The following WWP1 variants were observed in gnomAD, a reference collection of about 807,000 sequenced individuals.
WWP1 encodes the protein WW domain containing E3 ubiquitin protein ligase 1.
Under a neutral mutation model 130.6 loss-of-function variants are expected in WWP1, and 49 were observed. That is an observed-to-expected ratio of 0.38 (90% CI 0.30 to 0.48). WWP1 has a LOEUF of 0.48. Ranked by LOEUF, WWP1 falls within the 20% of genes least tolerant of loss-of-function variation. WWP1 has a pLI of 0.99. For synonymous variants in WWP1, 332 were observed against 367.8 expected, an observed-to-expected ratio of 0.90 and a Z score of 1.11; for missense variants, 809 against 1,100.6, an observed-to-expected ratio of 0.74 and a Z score of 3.75.
chr8:86,415,405 CTCT>C (rs1317298588), intron 9 of WWP1, among the ~76,000 whole-genome samples: 1 of 152,188 alleles, frequency 6.6e-6, no homozygotes, highest in Non-Finnish European at 1.5e-5. Flanking sequence ...CTTATCTCAT[CTCT>C]TCATCTCTTC....
At chr8:86,425,425 A>T in intron 10 of WWP1, 107 bp downstream of exon 10, 1 of 662,216 alleles carries the variant, frequency 1.5e-6, no homozygotes, top group Non-Finnish European at 2.4e-6. Flanking sequence ...CATATATTCA[A>T]TTTCTTTACA....
intron 3 of WWP1, among the ~76,000 whole-genome samples, chr8:86,377,349 C>T (rs769613177): frequency 7.9e-5 from 12 of 151,652 alleles, no homozygotes; most frequent in Non-Finnish European, 1.3e-4. Flanking sequence ...CCGCCTGCCT[C>T]GGCCTCCCAG....
Position 86,358,100 on chromosome 8 carries a change from G to A in WWP1, c.-114-10839G>A, listed in dbSNP as rs895261192. On this transcript the variant is annotated intron_variant, in intron 1 of 24. Coordinates refer to ENST00000517970, the MANE Select transcript of WWP1 (RefSeq NM_007013.4). ...GTCGGGGAGTATCCAAGTGTAATAA[G>A]CTTCTCTCTTATATTCTTTTGTTTC... Among the ~76,000 whole-genome samples the A allele has an allele frequency of 2.6e-5, 4 of 152,150 alleles. No homozygotes were observed. The South Asian group carries it at 8.3e-4, about 31-fold the overall frequency.
chr8:86,374,272 A>G, intron 3 of WWP1, 152 bp downstream of exon 3: 1 of 576,964 alleles, frequency 1.7e-6, no homozygotes, highest in African/African-American at 1.9e-5. Flanking sequence ...ATGCCCTCCA[A>G]AACTATATTA....
chr8:86,374,320 A>G (rs1824502151), intron 3 of WWP1, among the ~76,000 whole-genome samples, 200 bp downstream of exon 3: 2 of 152,240 alleles, frequency 1.3e-5, no homozygotes, highest in South Asian at 4.1e-4. Flanking sequence ...ATGCTGGATG[A>G]AGAGAAGATA....
intron 5 of WWP1, among the ~76,000 whole-genome samples, chr8:86,382,345 G>T (rs1220600932): frequency 1.3e-5 from 2 of 152,108 alleles, no homozygotes; most frequent in African/African-American, 2.4e-5. Flanking sequence ...GTGTAATTCT[G>T]GGGAGAGGGT....
intron 7 of WWP1, 81 bp from the exon 8 acceptor site, chr8:86,401,938 T>G: frequency 1.5e-6 from 2 of 1,294,686 alleles, no homozygotes; most frequent in Non-Finnish European, 2.0e-6. Flanking sequence ...CTTAAGAGAA[T>G]TTAGTAAATC....
chr8:86,413,629 C>T (rs1175493867), intron 9 of WWP1, among the ~76,000 whole-genome samples: 1 of 152,110 alleles, frequency 6.6e-6, no homozygotes, highest in Non-Finnish European at 1.5e-5. Flanking sequence ...TTCAGTAGAG[C>T]CGACTGCACA....
rs1231269429 is a variant in WWP1, at chr8:86,369,005, C to T, written c.-48C>T. Reference sequence around the variant, plus strand: ...TCGTGTCTTACTCATCTTTGTATCCCCAGTGTCTAGCAGTTCCTGATACAT... The same window carrying T: ...TCGTGTCTTACTCATCTTTGTATCCTCAGTGTCTAGCAGTTCCTGATACAT... On this transcript the variant is annotated 5_prime_UTR_variant, in exon 2 of 25. Coordinates refer to ENST00000517970, the MANE Select transcript of WWP1 (RefSeq NM_007013.4). 6.6e-6 allele frequency: 1 copy of T among 152,158 alleles called. No individual in the cohort carries two copies. Among genetic ancestry groups the T allele is most frequent in the Non-Finnish European group, 1.5e-5 (1 of 68,018 alleles). The allele number at this position is 152,158 out of a possible 1,614,324, so 9.4% of individuals were successfully genotyped here.
In WWP1 at chr8:86,457,883, A is replaced by C. The variant is rs200431225; in HGVS notation, c.2395-38A>C. ...AGTCATATAATTATTCTCTTCACTA[A>C]ATCTTTATTGTGGCCTGATTCTGTG... is the stretch of plus-strand genomic sequence containing the variant. On this transcript the variant is annotated intron_variant, in intron 21 of 24. Transcript: ENST00000517970. 26 of 1,584,362 alleles carry C rather than the reference A, an allele frequency of 1.6e-5. No homozygotes were observed. The African/African-American group carries it at 3.5e-4, about 21-fold the overall frequency.
chr8:86,404,680 AATAG>A (rs1808176413), intron 8 of WWP1, among the ~76,000 whole-genome samples: 1 of 152,222 alleles, frequency 6.6e-6, no homozygotes, highest in South Asian at 2.1e-4. Context: ...GCATGTTCTA[AATAG>A]TATATATCCA....
At chr8:86,379,831 G>A (rs1824880060) in intron 3 of WWP1, among the ~76,000 whole-genome samples, 1 of 152,090 alleles carries the variant, frequency 6.6e-6, no homozygotes, top group Non-Finnish European at 1.5e-5. Context: ...GATGTTAATG[G>A]GCATGTTGAA....
intron 18 of WWP1, among the ~76,000 whole-genome samples, chr8:86,444,571 T>A (rs1391806578): frequency 2.0e-5 from 3 of 151,956 alleles, no homozygotes; most frequent in Non-Finnish European, 4.4e-5. Flanking sequence ...ATAGGAGTGG[T>A]CCCCAGAGGA....
chr8:86,361,984 A>ATG (rs1823635329), intron 1 of WWP1, among the ~76,000 whole-genome samples: 1 of 134,600 alleles, frequency 7.4e-6, no homozygotes, highest in Non-Finnish European at 1.6e-5. Context: ...GTATATATAT[A>ATG]TATATATACA....
intron 1 of WWP1, among the ~76,000 whole-genome samples, chr8:86,346,859 T>A (rs1822614558): frequency 6.6e-6 from 1 of 152,198 alleles, no homozygotes; most frequent in African/African-American, 2.4e-5. Context: ...ATTTTATTGT[T>A]TTTGCTGGCA....
chr8:86,396,352 G>A (rs1807665679), intron 5 of WWP1, among the ~76,000 whole-genome samples: 1 of 152,156 alleles, frequency 6.6e-6, no homozygotes, highest in Non-Finnish European at 1.5e-5. Context: ...GCCCGCCTCG[G>A]CCTCCCAAAG....
intron 5 of WWP1, among the ~76,000 whole-genome samples, chr8:86,385,261 CTCCAGTGGAGGGATGT>C (rs992166655): frequency 6.6e-6 from 1 of 152,116 alleles, no homozygotes. Context: ...GTGTATAAGG[CTCCAGTGGAGGGATGT>C]TCTGCAGTGT....
chr8:86,435,493 G>A lies in WWP1; in HGVS notation c.1643G>A (p.Arg548Lys). 1 of 1,614,124 alleles carries A rather than the reference G, an allele frequency of 6.2e-7. No homozygotes were observed. The highest frequency in any genetic ancestry group is 1.1e-5 in the South Asian group (1 of 91,074). The change falls in exon 15 of 25, where the codon AGG becomes AAG. Residue 548 changes from arginine to lysine, a missense_variant. Transcript: ENST00000517970. The stretch of plus-strand genomic sequence containing the variant: ...CAAATTGCTTATGAACGCGGCTTTA[G>A]GTGGAAGCTTGCTCACTTCCGTTAT... Reference protein sequence around the residue: ...GPQIAYERGFRWKLAHFRYLC... With the variant: ...GPQIAYERGFKWKLAHFRYLC...
chr8:86,373,958 AAGT>A (rs1824480451), intron 2 of WWP1, 69 bp from the exon 3 acceptor site: 1 of 1,111,364 alleles, frequency 9.0e-7, no homozygotes, highest in South Asian at 1.6e-5. Context: ...TGATTTAAAC[AAGT>A]AGTTTTAATA....
Sources: gnomAD v4.1 joint callset for allele counts (sites outside exome capture counted in the v4.1 genomes callset) on GRCh38, gnomAD v4.1.1 for gene constraint, MANE v1.5 for transcripts, NCBI Gene and HGNC (gene_info 2026-07-23, HGNC 2026-07-21) for gene names.